Variants in LRPPRC observed in about 807,000 individuals in gnomAD.
The protein encoded by LRPPRC is leucine rich pentatricopeptide repeat containing, also known as leucine-rich PPR motif-containing protein, mitochondrial.
Under a neutral mutation model 180.3 loss-of-function variants are expected in LRPPRC, and 120 were observed. The observed-to-expected ratio is 0.67, with a 90% CI of 0.57 to 0.77. LRPPRC has a LOEUF of 0.77. Ranked by LOEUF, LRPPRC falls within the 30% of genes least tolerant of loss-of-function variation. The pLI, the probability that LRPPRC is intolerant of heterozygous loss-of-function variation, is 0.00. For synonymous variants in LRPPRC, 723 were observed against 600.0 expected, an observed-to-expected ratio of 1.21 and a Z score of -3.00; for missense variants, 2,012 against 1,657.2, an observed-to-expected ratio of 1.21 and a Z score of -3.72.
At chr2:43,948,301 T>A in intron 17 of LRPPRC, 102 bp from the exon 18 acceptor site, 1 of 920,100 alleles carries the variant, frequency 1.1e-6, no homozygotes, top group South Asian at 1.3e-5. Context: ...AGTCTCCAAC[T>A]CTTGCATGTC....
intron 30 of LRPPRC, among the ~76,000 whole-genome samples, chr2:43,909,006 A>G (rs142782351): frequency 2.6e-5 from 4 of 152,238 alleles, no homozygotes; most frequent in African/African-American, 4.8e-5. Flanking sequence ...AAAAAGCAGC[A>G]GTTGTTTTTC....
At chr2:43,893,343 C>G (rs1315545384) in intron 36 of LRPPRC, among the ~76,000 whole-genome samples, 3 of 152,146 alleles carry the variant, frequency 2.0e-5, no homozygotes, top group Non-Finnish European at 4.4e-5. Flanking sequence ...AAAATGCTAA[C>G]AAACAACATC....
At chr2:43,928,238 T>C (rs1349717845) in intron 25 of LRPPRC, among the ~76,000 whole-genome samples, 1 of 152,174 alleles carries the variant, frequency 6.6e-6, no homozygotes, top group Non-Finnish European at 1.5e-5. Context: ...TAATCCAAAG[T>C]CAAAAATAAC....
chr2:43,918,805 A>C (rs964133136), intron 27 of LRPPRC, among the ~76,000 whole-genome samples: 2 of 114,100 alleles, frequency 1.8e-5, no homozygotes, highest in East Asian at 3.3e-4. Flanking sequence ...ATATATATAT[A>C]TATAGATATA....
At chr2:43,948,344 G>A in intron 17 of LRPPRC, 68 bp downstream of exon 17, 1 of 1,044,648 alleles carries the variant, frequency 9.6e-7, no homozygotes, top group Non-Finnish European at 1.5e-6. Context: ...CTTAAAAGCA[G>A]CAATTTCAAA....
In LRPPRC at chr2:43,976,222, G is replaced by C. The variant is rs139732894; in HGVS notation, c.658C>G (p.Leu220Val). The C allele has an allele frequency of 2.5e-6, 4 of 1,600,308 alleles. No individual in the cohort carries two copies. The highest frequency in any genetic ancestry group is 3.4e-6 in the Non-Finnish European group (4 of 1,167,698). The change falls in exon 6 of 38, where the codon CTT becomes GTT. Residue 220 changes from leucine to valine, a missense_variant. Coordinates refer to ENST00000260665, the MANE Select transcript of LRPPRC (RefSeq NM_133259.4). Reference protein sequence around the residue: ...VGDIEGASKILGFMKTKDLPV... With the variant: ...VGDIEGASKIVGFMKTKDLPV... ...AGATCCTTAGTTTTCATAAATCCAA[G>C]AATCTTGCTGCAAAGGAAAAACGAA... is the stretch of plus-strand genomic sequence containing the variant.
At chr2:43,949,519 T>C in intron 16 of LRPPRC, 83 bp downstream of exon 16, 1 of 946,296 alleles carries the variant, frequency 1.1e-6, no homozygotes, top group South Asian at 1.4e-5. Flanking sequence ...ATAAAGTATT[T>C]ACTGCTGTAA....
At chr2:43,979,459 T>C (rs1162643527) in intron 3 of LRPPRC, among the ~76,000 whole-genome samples, 2 of 152,186 alleles carry the variant, frequency 1.3e-5, no homozygotes, top group Non-Finnish European at 2.9e-5. Flanking sequence ...TTTCTTACTA[T>C]TACAAACAAG....
intron 15 of LRPPRC, among the ~76,000 whole-genome samples, chr2:43,949,906 A>T (rs543855127): frequency 1.3e-5 from 2 of 152,244 alleles, no homozygotes; most frequent in African/African-American, 4.8e-5. Context: ...TGTCACACAG[A>T]AAGACTCTAA....
chr2:43,967,784 T>A (rs370173892), intron 11 of LRPPRC, among the ~76,000 whole-genome samples: 5 of 152,212 alleles, frequency 3.3e-5, no homozygotes, highest in Non-Finnish European at 5.9e-5. Flanking sequence ...TGGTCCACAC[T>A]GCACACAGAA....
intron 23 of LRPPRC, among the ~76,000 whole-genome samples, chr2:43,936,226 G>A (rs1672273100): frequency 6.6e-6 from 1 of 152,138 alleles, no homozygotes; most frequent in African/African-American, 2.4e-5. Flanking sequence ...CAGGTAAACA[G>A]AGGAAGGTAC....
intron 1 of LRPPRC, among the ~76,000 whole-genome samples, chr2:43,988,333 T>C (rs1298707184): frequency 6.6e-6 from 1 of 151,008 alleles, no homozygotes; most frequent in Non-Finnish European, 1.5e-5. Flanking sequence ...GGTCGGGAGT[T>C]CTAGACCAGC....
intron 1 of LRPPRC, among the ~76,000 whole-genome samples, chr2:43,983,890 AATC>A (rs1674416730): frequency 6.6e-6 from 1 of 152,302 alleles, no homozygotes; most frequent in African/African-American, 2.4e-5. Flanking sequence ...ATCTGGGAGA[AATC>A]ATGACTCTAA....
At chr2:43,923,734 T>A (rs936779999) in intron 27 of LRPPRC, among the ~76,000 whole-genome samples, 1 of 151,848 alleles carries the variant, frequency 6.6e-6, no homozygotes, top group Non-Finnish European at 1.5e-5. Flanking sequence ...TCCAAGTTTA[T>A]ATAGTCTTCC....
intron 31 of LRPPRC, chr2:43,902,977 G>C (rs550182844): frequency 2.0e-5 from 3 of 152,276 alleles, no homozygotes; most frequent in Admixed American, 1.3e-4. Context: ...TTTTACAGAT[G>C]AGACCCCTGG....
intron 23 of LRPPRC, among the ~76,000 whole-genome samples, chr2:43,941,920 A>T (rs1429109009): frequency 6.6e-6 from 1 of 152,024 alleles, no homozygotes; most frequent in Non-Finnish European, 1.5e-5. Flanking sequence ...ATCTGAAAGT[A>T]GTAAAACACC....
chr2:43,975,280 C>A (rs1014824184), intron 6 of LRPPRC, 63 bp from the exon 7 acceptor site: 2 of 1,402,434 alleles, frequency 1.4e-6, no homozygotes, highest in Non-Finnish European at 2.0e-6. Flanking sequence ...GTTATTCAAA[C>A]TAAAACATAT....
chr2:43,914,397 C>T (rs1029368021), intron 29 of LRPPRC, among the ~76,000 whole-genome samples: 7 of 152,014 alleles, frequency 4.6e-5, no homozygotes, highest in African/African-American at 9.7e-5. Flanking sequence ...ACTAAACATT[C>T]GAATCCTGAG....
chr2:43,899,748 C>G, intron 32 of LRPPRC, 143 bp from the exon 33 acceptor site: 1 of 630,964 alleles, frequency 1.6e-6, no homozygotes, highest in Non-Finnish European at 2.8e-6. Context: ...ACCAAATAAA[C>G]ACTAGGCAAC....
Sources: gnomAD v4.1 joint callset for allele counts (sites outside exome capture counted in the v4.1 genomes callset) on GRCh38, gnomAD v4.1.1 for gene constraint, MANE v1.5 for transcripts, NCBI Gene and HGNC (gene_info 2026-07-23, HGNC 2026-07-21) for gene names.